The following ANKRD28 variants were observed in gnomAD, a reference collection of about 807,000 sequenced individuals.
ANKRD28 encodes ankyrin repeat domain 28.
ANKRD28 carries 44 observed loss-of-function variants against 126.5 expected under a neutral mutation model. The observed-to-expected ratio is 0.35, with a 90% CI of 0.27 to 0.45. The LOEUF (loss-of-function observed/expected upper bound fraction) is 0.45. Ranked by LOEUF, ANKRD28 falls within the 20% of genes least tolerant of loss-of-function variation. The pLI, the probability that ANKRD28 is intolerant of heterozygous loss-of-function variation, is 1.00. For synonymous variants in ANKRD28, 442 were observed against 468.5 expected, an observed-to-expected ratio of 0.94 and a Z score of 0.73; for missense variants, 1,110 against 1,316.6, an observed-to-expected ratio of 0.84 and a Z score of 2.43.
chr3:15,717,350 C>T (rs776550969), intron 8 of ANKRD28, among the ~76,000 whole-genome samples: 2 of 151,902 alleles, frequency 1.3e-5, no homozygotes, highest in Non-Finnish European at 2.9e-5. Flanking sequence ...GATAATAAAA[C>T]CTATTCTAAG....
intron 2 of ANKRD28, among the ~76,000 whole-genome samples, chr3:15,779,565 T>C (rs376673676): frequency 9.8e-4 from 149 of 152,338 alleles, no homozygotes; most frequent in African/African-American, 3.5e-3. Flanking sequence ...CTTTGAGATC[T>C]TGGAAAGTGA....
In ANKRD28 at chr3:15,686,109, T is replaced by C; in HGVS notation, c.2062A>G (p.Met688Val). The change falls in exon 20 of 28, where the codon ATG (methionine) becomes GTG (valine). Residue 688 changes from methionine to valine, a missense_variant. Met to Val is a conservative substitution (Grantham distance 21, BLOSUM62 1). Transcript: ENST00000683139. ...GTGTGCCCGTTGAGAACAGATAGCA[T>C]CAGAGGCGTCCTGAGCAACAACAGG... ...IQDGNGQTPL[M>V]LSVLNGHTDC... 1 of 1,613,030 alleles carries C rather than the reference T, an allele frequency of 6.2e-7. No individual in the cohort carries two copies. The highest frequency in any genetic ancestry group is 1.1e-5 in the South Asian group (1 of 90,788).
intron 1 of ANKRD28, among the ~76,000 whole-genome samples, chr3:15,826,291 C>T (rs2061065092): frequency 6.6e-6 from 1 of 152,108 alleles, no homozygotes; most frequent in Non-Finnish European, 1.5e-5. Context: ...TTGTTACACG[C>T]ACAGATTGTG....
chr3:15,701,732 CTAAGGTAA>C (rs2070665275), intron 14 of ANKRD28, among the ~76,000 whole-genome samples: 1 of 152,098 alleles, frequency 6.6e-6, no homozygotes, highest in Non-Finnish European at 1.5e-5. Flanking sequence ...ACGTCTGGCT[CTAAGGTAA>C]TAAGACTGGT....
chr3:15,676,229 T>G, intron 26 of ANKRD28: 2 of 383,810 alleles, frequency 5.2e-6, no homozygotes, highest in Non-Finnish European at 4.6e-6. Flanking sequence ...CATCGACAGG[T>G]CCCTACCTTC....
At chr3:15,674,183 A>G (rs1383707736) in intron 27 of ANKRD28, among the ~76,000 whole-genome samples, 1 of 147,976 alleles carries the variant, frequency 6.8e-6, no homozygotes, top group African/African-American at 2.5e-5. Context: ...TCAAAAAAAA[A>G]AAAAAAAAAA....
At chr3:15,715,489 C>T (rs530796558) in intron 8 of ANKRD28, among the ~76,000 whole-genome samples, 1 of 152,224 alleles carries the variant, frequency 6.6e-6, no homozygotes, top group Non-Finnish European at 1.5e-5. Flanking sequence ...GTGTTTGATT[C>T]CATAATATGA....
chr3:15,677,383 G>T, intron 25 of ANKRD28, 97 bp downstream of exon 25: 1 of 839,488 alleles, frequency 1.2e-6, no homozygotes, highest in Non-Finnish European at 1.9e-6. Context: ...CATTAGAGAG[G>T]TTTGGTCCTG....
intron 2 of ANKRD28, among the ~76,000 whole-genome samples, chr3:15,785,186 T>C (rs982048960): frequency 6.6e-6 from 1 of 152,066 alleles, no homozygotes; most frequent in Non-Finnish European, 1.5e-5. Context: ...TTAGATACAA[T>C]ACCAAAGGCA....
At position 15,677,576 on chromosome 3, in the gene ANKRD28, G is replaced by A; in HGVS notation, c.2708-14C>T. 2 of 1,580,554 alleles carry A rather than the reference G, an allele frequency of 1.3e-6. No homozygotes were observed. The highest frequency in any genetic ancestry group is 8.7e-7 in the Non-Finnish European group (1 of 1,150,672). On this transcript the variant is annotated splice_polypyrimidine_tract_variant and intron_variant, in intron 24 of 27. Coordinates refer to ENST00000683139, the MANE Select transcript of ANKRD28 (RefSeq NM_001349278.2). ...TAACCAGCATCTCTGGGAGGAAAAA[G>A]TGCATCAATTCTTATGTTTATGAAC...
chr3:15,720,090 C>T (rs1346583541), intron 8 of ANKRD28, among the ~76,000 whole-genome samples: 2 of 152,028 alleles, frequency 1.3e-5, no homozygotes, highest in Admixed American at 1.3e-4. Context: ...TCCTGAATTC[C>T]TAGGCTCAAG....
intron 2 of ANKRD28, chr3:15,781,404 GAAAA>G (rs112920705): frequency 6.8e-6 from 1 of 147,568 alleles, no homozygotes; most frequent in Non-Finnish European, 1.5e-5. Flanking sequence ...AAAGGTGAAG[GAAAA>G]AAAAAATCAC....
Position 15,685,409 on chromosome 3 carries a change from G to T in ANKRD28, c.2206C>A (p.Leu736Ile), listed in dbSNP as rs1222984961. The change falls in exon 21 of 28, where the codon CTT (leucine) becomes ATT (isoleucine). Residue 736 changes from leucine to isoleucine, a missense_variant. Coordinates refer to ENST00000683139, the MANE Select transcript of ANKRD28 (RefSeq NM_001349278.2). ...AGTAAGCACTTAGCACCATGTTGAA[G>T]TAATGCATCTACACATTCTTCATGG... The part of the protein sequence containing the change: ...TGHEECVDAL[L>I]QHGAKCLLRD... The T allele has an allele frequency of 1.3e-5, 21 of 1,613,500 alleles. No homozygotes were observed. The highest frequency in any genetic ancestry group is 1.7e-5 in the Non-Finnish European group (20 of 1,179,776).
In ANKRD28 at chr3:15,749,095, G is replaced by GTTTTTTTTTCTT. The variant is rs1357402514; in HGVS notation, c.351+2654_351+2655insAAGAAAAAAAAA. Among the ~76,000 whole-genome samples the GTTTTTTTTTCTT allele has an allele frequency of 9.3e-5, 10 of 106,998 alleles. 1 individual carries two copies. Among genetic ancestry groups the GTTTTTTTTTCTT allele is most frequent in the Admixed American group, 5.8e-4 (6 of 10,364 alleles). The allele number at this position is 106,998 out of a possible 152,430, so 70.2% of individuals were successfully genotyped here. On this transcript the variant is annotated intron_variant, in intron 4 of 27. Transcript: ENST00000683139. ...ATTTTCCTTTCATATTCTATATTAT[G>GTTTTTTTTTCTT]TTTTTGTTTTTTTTTTTTTTTTTTT...
Position 15,681,158 on chromosome 3 carries a change from C to T in ANKRD28, c.2390-1595G>A, listed in dbSNP as rs1172753274. ...ATGGTTTATTTGTGTATAACCTATG[C>T]ACATCTTCTCATATACTTTAAGTCA... is the stretch of plus-strand genomic sequence containing the variant. On this transcript the variant is annotated intron_variant, in intron 21 of 27. Coordinates refer to ENST00000683139, the MANE Select transcript of ANKRD28 (RefSeq NM_001349278.2). Among the ~76,000 whole-genome samples the T allele has an allele frequency of 3.9e-5, 6 of 152,122 alleles. No individual in the cohort carries two copies. The East Asian group carries it at 9.6e-4, about 24-fold the overall frequency.
chr3:15,837,887 C>T (rs1183825074), intron 1 of ANKRD28, among the ~76,000 whole-genome samples: 1 of 137,688 alleles, frequency 7.3e-6, no homozygotes, highest in Non-Finnish European at 1.5e-5. Flanking sequence ...TTTAATTAAG[C>T]TAACCAGAAA....
chr3:15,855,969 A>T (rs2061756180), intron 1 of ANKRD28, among the ~76,000 whole-genome samples: 1 of 152,238 alleles, frequency 6.6e-6, no homozygotes, highest in Non-Finnish European at 1.5e-5. Flanking sequence ...TTTTGACCAC[A>T]CTGGCTGTTT....
At chr3:15,731,656 C>T (rs1001453998) in intron 6 of ANKRD28, among the ~76,000 whole-genome samples, 6 of 151,906 alleles carry the variant, frequency 3.9e-5, no homozygotes, top group African/African-American at 1.5e-4. Flanking sequence ...TCAAGACCAG[C>T]CTGGTCAACA....
chr3:15,788,907 C>A (rs1408390650), intron 2 of ANKRD28, among the ~76,000 whole-genome samples: 2 of 149,588 alleles, frequency 1.3e-5, no homozygotes, highest in African/African-American at 2.4e-5. Context: ...TTTACCCCCC[C>A]AAAAAAAAAG....
Sources: gnomAD v4.1 joint callset for allele counts (sites outside exome capture counted in the v4.1 genomes callset) on GRCh38, gnomAD v4.1.1 for gene constraint, MANE v1.5 for transcripts, NCBI Gene and HGNC (gene_info 2026-07-23, HGNC 2026-07-21) for gene names.